ZNF689: variants seen among roughly 807,000 people sequenced by gnomAD.
The protein encoded by ZNF689 is zinc finger protein 689, also known as short ORF-encoded histone-binding protein.
In ZNF689, 14 loss-of-function variants were observed where a neutral mutation model predicts 37.2. The observed-to-expected ratio is 0.38, with a 90% CI of 0.25 to 0.59. ZNF689 has a LOEUF of 0.59. Ranked by LOEUF, ZNF689 falls within the 20% of genes least tolerant of loss-of-function variation. The pLI is 0.68. For missense variants in ZNF689, 573 were observed against 700.2 expected, an observed-to-expected ratio of 0.82 and a Z score of 2.05; for synonymous variants, 277 against 283.3, an observed-to-expected ratio of 0.98 and a Z score of 0.22.
At chr16:30,606,738 G>A (rs1346715714) in intron 2 of ZNF689, among the ~76,000 whole-genome samples, 1 of 151,962 alleles carries the variant, frequency 6.6e-6, no homozygotes, top group Non-Finnish European at 1.5e-5. Flanking sequence ...CTGACCTCAG[G>A]TTATCTGCTC....
Position 30,609,992 on chromosome 16 carries a change from C to T in ZNF689, c.50G>A (p.Arg17Lys). The T allele has an allele frequency of 6.2e-7, 1 of 1,609,018 alleles. No homozygotes were observed. The highest frequency in any genetic ancestry group is 1.1e-5 in the South Asian group (1 of 90,490). The change falls in exon 1 of 3, where the codon AGA (arginine) becomes AAA (lysine). Residue 17 changes from arginine (R) to lysine (K), a missense_variant. Transcript: ENST00000287461. ...CCTCCTGCCCCTTTTCCGACTGGGT[C>T]TGGCCTTTCCTGGTCCCTGCGCAGG... ...PLPAQGPGKA[R>K]PSRKRGRRPR... is the part of the protein sequence containing the mutation.
rs770093350 is a variant in ZNF689 at position 30,610,065 on chromosome 16, G to C, written c.-24C>G. On this transcript the variant is annotated 5_prime_UTR_variant, in exon 1 of 3. Coordinates refer to ENST00000287461, the MANE Select transcript of ZNF689 (RefSeq NM_138447.3). ...ATGGGACCCGAGAAGCCGGCGCCAC[G>C]GCCTTCCGTGTCCAGGCCTCGGCCC... The C allele has an allele frequency of 6.4e-7, 1 of 1,562,858 alleles. No homozygotes were observed. Among genetic ancestry groups the C allele is most frequent in the Non-Finnish European group, 8.7e-7 (1 of 1,155,614 alleles).
In ZNF689 at chr16:30,609,399, G is replaced by A; in HGVS notation, c.319+126C>T. The A allele has an allele frequency of 4.1e-6, 3 of 734,268 alleles. No individual in the cohort carries two copies. The South Asian group carries it at 5.5e-5, about 14-fold the overall frequency. The allele number at this position is 734,268 out of a possible 1,614,324, so 45.5% of individuals were successfully genotyped here. A position where few individuals can be genotyped will look rare whatever the true frequency, so the allele number is the denominator to read the frequency against. On this transcript the variant is annotated intron_variant, in intron 2 of 2. Coordinates refer to ENST00000287461, the MANE Select transcript of ZNF689 (RefSeq NM_138447.3). ...GGCCCCACACCACCAGACACAAGAG[G>A]CTGGGAAGATGAATATACTAAATAC...
At chr16:30,609,735 T>A in intron 1 of ZNF689, 97 bp from the exon 2 acceptor site, 1 of 1,582,964 alleles carries the variant, frequency 6.3e-7, no homozygotes. Flanking sequence ...CCACCTCCCC[T>A]GACAACCTGG....
chr16:30,608,394 C>T (rs2052055718), intron 2 of ZNF689: 1 of 152,124 alleles, frequency 6.6e-6, no homozygotes. Context: ...TTCTCCCTGC[C>T]TCAGCCTCCT....
chr16:30,609,752 G>A, intron 1 of ZNF689, 85 bp downstream of exon 1: 6 of 1,572,770 alleles, frequency 3.8e-6, no homozygotes, highest in African/African-American at 1.3e-5. Flanking sequence ...CTGGTCGCCT[G>A]CCAGGACCGT....
rs2052016816 is a variant in ZNF689, at chr16:30,604,603, C to G, written c.1164G>C (p.Leu388=). The change falls in exon 3 of 3, where the codon CTG becomes CTC. Residue 388 remains leucine, a synonymous_variant. Coordinates refer to ENST00000287461, the MANE Select transcript of ZNF689 (RefSeq NM_138447.3). The surrounding 1 kb of genome is among the most constrained non-coding windows in gnomAD (Gnocchi z 5.2). ...CGRAFRRSGS[L]AIHRSTHTEE... Reference sequence around the variant, plus strand: ...CTGTGTGCGTGCTGCGATGGATGGCCAGGGAGCCGCTCCGCCGGAAGGCAC... The same window carrying G: ...CTGTGTGCGTGCTGCGATGGATGGCGAGGGAGCCGCTCCGCCGGAAGGCAC... 1 of 1,599,766 alleles carries G rather than the reference C, an allele frequency of 6.3e-7. No homozygotes were observed. Among genetic ancestry groups the G allele is most frequent in the South Asian group, 1.1e-5 (1 of 89,446 alleles).
chr16:30,610,056 C>T lies in ZNF689; in HGVS notation c.-15G>A, dbSNP rs2052082062. On this transcript the variant is annotated 5_prime_UTR_variant, in exon 1 of 3. Coordinates refer to ENST00000287461, the MANE Select transcript of ZNF689 (RefSeq NM_138447.3). ...GGTGGCGCCATGGGACCCGAGAAGC[C>T]GGCGCCACGGCCTTCCGTGTCCAGG... 1 of 1,570,216 alleles carries T rather than the reference C, an allele frequency of 6.4e-7. No homozygotes were observed. The highest frequency in any genetic ancestry group is 1.2e-5 in the South Asian group (1 of 86,248).
chr16:30,605,157 G>C lies in ZNF689; in HGVS notation c.610C>G (p.Pro204Ala). Residue 204 changes from proline (P) to alanine (A), a missense_variant, in exon 3 of 3, where the codon CCC becomes GCC. Pro to Ala is a conservative substitution (Grantham distance 27, BLOSUM62 -1). Coordinates refer to ENST00000287461, the MANE Select transcript of ZNF689 (RefSeq NM_138447.3). The surrounding 1 kb of genome is among the most constrained non-coding windows in gnomAD (Gnocchi z 5.1). ...SHRRAHSGEC[P>A]YVCDQCGKRF... is the part of the protein sequence containing the mutation. ...TTGCCACACTGGTCACAAACATAGG[G>C]GCACTCGCCGGAGTGTGCCCGCCGG... 6.2e-7 allele frequency: 1 copy of C among 1,614,176 alleles called. No individual in the cohort carries two copies. Among genetic ancestry groups the C allele is most frequent in the South Asian group, 1.1e-5 (1 of 91,084 alleles).
At chr16:30,610,544 A>G (rs1203129787), upstream of ZNF689, 1 of 160,976 alleles carries the variant, frequency 6.2e-6, no homozygotes, top group East Asian at 1.8e-4. Context: ...CTGGACTGCT[A>G]GGATCAGGCG....
In ZNF689 at chr16:30,604,833, T is replaced by TGTGGATGCGCTG. The variant is rs755043309; in HGVS notation, c.922_933dup (p.Gln308_His311dup). On this transcript the variant is annotated inframe_insertion, in exon 3 of 3. Transcript: ENST00000287461. This position sits in a 1 kb window ranked among gnomAD's most constrained non-coding sequence, Gnocchi z 5.2. ...GGGCACGGGTAGGGCTTCTCGCCCG[T>TGTGGATGCGCTG]GTGGATGCGCTGGTGGATGACGAGG... 6.2e-7 allele frequency: 1 copy of TGTGGATGCGCTG among 1,604,150 alleles called. No homozygotes were observed. The highest frequency in any genetic ancestry group is 8.5e-7 in the Non-Finnish European group (1 of 1,174,942).
intron 2 of ZNF689, among the ~76,000 whole-genome samples, chr16:30,608,769 GT>G (rs2052059480): frequency 1.3e-5 from 2 of 152,180 alleles, no homozygotes; most frequent in African/African-American, 4.8e-5. Flanking sequence ...TAACTGAAAA[GT>G]TTTAAGCAAG....
Position 30,610,201 on chromosome 16 carries a change from C to G in ZNF689, c.-160G>C. On this transcript the variant is annotated 5_prime_UTR_variant, in exon 1 of 3. Coordinates refer to ENST00000287461, the MANE Select transcript of ZNF689 (RefSeq NM_138447.3). ...TGGTCGCCCGCGGGGCTAACGGAAA[C>G]CTTTTGCTGTTATTCAGGAAACTCC... The G allele has an allele frequency of 1.2e-6, 1 of 852,558 alleles. No individual in the cohort carries two copies. The highest frequency in any genetic ancestry group is 1.8e-6 in the Non-Finnish European group (1 of 571,302). The allele number at this position is 852,558 out of a possible 1,614,324, so 52.8% of individuals were successfully genotyped here.
At chr16:30,609,344 A>G in intron 2 of ZNF689, 181 bp downstream of exon 2, 1 of 503,954 alleles carries the variant, frequency 2.0e-6, no homozygotes, top group Non-Finnish European at 3.5e-6. Context: ...CAGCTTGCAG[A>G]CTGACATAGG....
At position 30,610,121 on chromosome 16, in the gene ZNF689, G is replaced by GC. The variant is rs2052082977; in HGVS notation, c.-81dup. ...CGCTGGCGGCCCCTGGGATCGAGGA[G>GC]CCCCTGCCGGACCAGGGCTGAGCGT... On this transcript the variant is annotated 5_prime_UTR_variant, in exon 1 of 3. Coordinates refer to ENST00000287461, the MANE Select transcript of ZNF689 (RefSeq NM_138447.3). The GC allele has an allele frequency of 6.8e-7, 1 of 1,471,658 alleles. No homozygotes were observed. Among genetic ancestry groups the GC allele is most frequent in the South Asian group, 1.3e-5 (1 of 76,208 alleles). 91.2% of individuals were successfully genotyped at this position (1,471,658 alleles called of 1,614,324 possible).
chr16:30,609,747 C>A, intron 1 of ZNF689, 90 bp downstream of exon 1: 1 of 1,574,640 alleles, frequency 6.4e-7, no homozygotes, highest in Non-Finnish European at 8.6e-7. Context: ...ACAACCTGGT[C>A]GCCTGCCAGG....
At chr16:30,607,094 A>G (rs2052043040) in intron 2 of ZNF689, among the ~76,000 whole-genome samples, 2 of 148,306 alleles carry the variant, frequency 1.3e-5, no homozygotes, top group African/African-American at 2.5e-5. Flanking sequence ...CTACAAAAAT[A>G]TAAAAATTAG....
rs1250625326 is a variant in ZNF689, at chr16:30,609,841, C to G, written c.201G>C (p.Ala67=). The change falls in exon 1 of 3, where the codon GCG becomes GCC. Residue 67 remains alanine, a synonymous_variant. Coordinates refer to ENST00000287461, the MANE Select transcript of ZNF689 (RefSeq NM_138447.3). ...AGCGGATGGGGCCGGCCTCACCGAG[C>G]GCGCCCAGGTGACCGTAGGTCTCCC... ...VMRETYGHLG[A]LGCAGPKPAL... 4 of 1,602,550 alleles carry G rather than the reference C, an allele frequency of 2.5e-6. No homozygotes were observed. The highest frequency in any genetic ancestry group is 3.4e-5 in the Admixed American group (2 of 58,182).
rs1555514908 is a variant in ZNF689 at position 30,604,558 on chromosome 16, G to A, written c.1209C>T (p.Cys403=). ...AGGCAAAGCGGCGACCACAGTCGTC[G>A]CAGGCGTGCAGCTTCTCCTCTGTGT... ...STHTEEKLHA[C]DDCGRRFAYP... The change falls in exon 3 of 3, where the codon TGC becomes TGT. Residue 403 remains cysteine (C), a synonymous_variant. Coordinates refer to ENST00000287461, the MANE Select transcript of ZNF689 (RefSeq NM_138447.3). The surrounding 1 kb of genome is among the most constrained non-coding windows in gnomAD (Gnocchi z 5.2). 1.2e-5 allele frequency: 19 copies of A among 1,587,882 alleles called. No homozygotes were observed. Among genetic ancestry groups the A allele is most frequent in the South Asian group, 1.0e-4 (9 of 88,384 alleles).
Sources: gnomAD v4.1 joint callset for allele counts (sites outside exome capture counted in the v4.1 genomes callset) on GRCh38, gnomAD v4.1.1 for gene constraint, Gnocchi (gnomAD v3.1) non-coding constraint, MANE v1.5 for transcripts, NCBI Gene and HGNC (gene_info 2026-07-23, HGNC 2026-07-21) for gene names.